Variants in FSTL4 observed in about 807,000 individuals in gnomAD.
The protein encoded by FSTL4 is follistatin like 4, also known as follistatin-related protein 4.
Under a neutral mutation model 78.2 loss-of-function variants are expected in FSTL4, and 28 were observed. The ratio of observed to expected loss-of-function variants is 0.36; its 90% CI spans 0.27 to 0.49. The LOEUF (loss-of-function observed/expected upper bound fraction) is 0.49, where lower values mean the gene tolerates loss of function less well. Among genes scored for constraint, FSTL4 ranks in the 20% least tolerant of loss-of-function variants. FSTL4 has a pLI of 0.98. For synonymous variants in FSTL4, 422 were observed against 440.5 expected (o/e 0.96, Z 0.53); for missense variants, 922 against 1,084.9 (o/e 0.85, Z 2.11).
the FSTL4 span, among the ~76,000 whole-genome samples, chr5:133,681,437 T>C: frequency 6.6e-6 from 1 of 152,220 alleles, no homozygotes; most frequent in Non-Finnish European, 1.5e-5. Context: ...CCAGACGGAC[T>C]TGGCTGCGGC....
intron 6 of FSTL4, among the ~76,000 whole-genome samples, chr5:133,310,483 G>A (rs1366179153): frequency 6.6e-6 from 1 of 152,148 alleles, no homozygotes; most frequent in Non-Finnish European, 1.5e-5. Flanking sequence ...TTTCATCATA[G>A]GCAATAGGGA....
chr5:133,321,158 G>T (rs1754041387), intron 4 of FSTL4, among the ~76,000 whole-genome samples: 1 of 152,172 alleles, frequency 6.6e-6, no homozygotes, highest in African/African-American at 2.4e-5. Flanking sequence ...GGGGTATGGG[G>T]GGACCAAGGG....
chr5:133,421,578 G>A (rs1173229862), intron 3 of FSTL4, among the ~76,000 whole-genome samples: 2 of 152,228 alleles, frequency 1.3e-5, no homozygotes, highest in Non-Finnish European at 2.9e-5. Context: ...TTGCCCTAAC[G>A]GTGGGTAACA....
chr5:133,788,650 G>A, the FSTL4 span, among the ~76,000 whole-genome samples: 3 of 152,190 alleles, frequency 2.0e-5, no homozygotes, highest in African/African-American at 4.8e-5. Context: ...CAACACCTCC[G>A]TCAATCTCTG....
intron 3 of FSTL4, among the ~76,000 whole-genome samples, chr5:133,558,636 T>C (rs1239403463): frequency 6.6e-6 from 1 of 152,160 alleles, no homozygotes; most frequent in Non-Finnish European, 1.5e-5. Context: ...TTTTTGTTTT[T>C]TTTTTTCTTT....
chr5:133,564,381 C>T (rs745511500), intron 3 of FSTL4, among the ~76,000 whole-genome samples: 76 of 152,310 alleles, frequency 5.0e-4, no homozygotes, highest in African/African-American at 6.5e-4. Context: ...AGCCATAGAA[C>T]ATTTCTTTAA....
chr5:133,818,931 C>CTATATATATATATATATATATA, the FSTL4 span, among the ~76,000 whole-genome samples: 3,450 of 61,578 alleles, frequency 0.056, 665 homozygotes, highest in East Asian at 0.062. Flanking sequence ...TTAGAAGATA[C>CTATATATATATATATATATATA]TATATATATA....
intron 4 of FSTL4, among the ~76,000 whole-genome samples, chr5:133,327,597 C>T (rs1754244988): frequency 6.6e-6 from 1 of 152,210 alleles, no homozygotes; most frequent in Non-Finnish European, 1.5e-5. Context: ...GCAGTTCCTT[C>T]CAACATCCTG....
chr5:133,224,134 C>G (rs951081596), intron 11 of FSTL4, 56 bp downstream of exon 11: 25 of 1,465,302 alleles, frequency 1.7e-5, no homozygotes, highest in African/African-American at 2.8e-5. Flanking sequence ...GACGGCCCAT[C>G]ATAGAACCAA....
chr5:133,354,490 T>C (rs1223969900), intron 4 of FSTL4, among the ~76,000 whole-genome samples: 1 of 152,204 alleles, frequency 6.6e-6, no homozygotes, highest in African/African-American at 2.4e-5. Flanking sequence ...TGGAGAGCCT[T>C]GGTGGCCCAG....
At chr5:133,737,392 C>A in the FSTL4 span, among the ~76,000 whole-genome samples, 1 of 152,164 alleles carries the variant, frequency 6.6e-6, no homozygotes, top group Non-Finnish European at 1.5e-5. Flanking sequence ...TTTCACTTAA[C>A]ATATTGATCT....
chr5:133,329,824 T>A (rs1204040208), intron 4 of FSTL4, among the ~76,000 whole-genome samples: 3 of 152,174 alleles, frequency 2.0e-5, no homozygotes, highest in African/African-American at 7.2e-5. Context: ...ACCTGGCATC[T>A]CATCTGAATT....
At chr5:133,505,203 TC>T in intron 3 of FSTL4, among the ~76,000 whole-genome samples, 1 of 151,888 alleles carries the variant, frequency 6.6e-6, no homozygotes, top group Non-Finnish European at 1.5e-5. Flanking sequence ...TTTGCCTTCC[TC>T]TCTCTCTCTA....
chr5:133,501,607 A>G (rs1339215274), intron 3 of FSTL4, among the ~76,000 whole-genome samples: 1 of 152,204 alleles, frequency 6.6e-6, no homozygotes, highest in Non-Finnish European at 1.5e-5. Context: ...GGCACCTTTG[A>G]AGACTATGGT....
At chr5:133,304,840 A>T (rs987514558) in intron 6 of FSTL4, among the ~76,000 whole-genome samples, 1 of 152,170 alleles carries the variant, frequency 6.6e-6, no homozygotes, top group Non-Finnish European at 1.5e-5. Context: ...TGGGGGACAG[A>T]GATTGTTCCA....
chr5:133,266,881 C>T (rs533643300), intron 6 of FSTL4, among the ~76,000 whole-genome samples: 29 of 152,352 alleles, frequency 1.9e-4, no homozygotes, highest in Non-Finnish European at 3.5e-4. Context: ...GCTCCTCACT[C>T]AGTGTCCTCA....
chr5:133,311,098 C>T (rs757006516), intron 6 of FSTL4, among the ~76,000 whole-genome samples: 24 of 152,122 alleles, frequency 1.6e-4, no homozygotes, highest in Non-Finnish European at 2.5e-4. Context: ...ATATTCTCAA[C>T]GTGGCCAATT....
the FSTL4 span, among the ~76,000 whole-genome samples, chr5:133,618,622 C>T: frequency 6.6e-6 from 1 of 152,184 alleles, no homozygotes; most frequent in Non-Finnish European, 1.5e-5. Context: ...AGTCCTAGCC[C>T]TTTATATGTA....
the FSTL4 span, among the ~76,000 whole-genome samples, chr5:133,827,432 C>A: frequency 6.6e-6 from 1 of 152,094 alleles, no homozygotes; most frequent in Non-Finnish European, 1.5e-5. Context: ...CCCAACACTG[C>A]CCCTGAGCTC....
Sources: allele counts gnomAD v4.1 joint callset (sites outside exome capture counted in the v4.1 genomes callset), GRCh38; gene constraint gnomAD v4.1.1; transcripts MANE v1.5; gene names NCBI Gene and HGNC (gene_info 2026-07-23, HGNC 2026-07-21).